The following NFATC2 variants were observed in gnomAD, a reference collection of about 807,000 sequenced individuals.
NFATC2 encodes nuclear factor of activated T-cells, cytoplasmic 2.
NFATC2 carries 22 observed loss-of-function variants against 87.3 expected under a neutral mutation model. The ratio of observed to expected loss-of-function variants is 0.25; its 90% CI spans 0.18 to 0.36. The LOEUF (loss-of-function observed/expected upper bound fraction) is 0.36, where lower values mean the gene tolerates loss of function less well. Among genes scored for constraint, NFATC2 ranks in the 10% least tolerant of loss-of-function variants. NFATC2 has a pLI of 1.00. For synonymous variants in NFATC2, 565 were observed against 542.2 expected (o/e 1.04, Z -0.58); for missense variants, 1,149 against 1,259.1 (o/e 0.91, Z 1.32).
intron 9 of NFATC2, among the ~76,000 whole-genome samples, chr20:51,418,318 C>T (rs1980328601): frequency 6.6e-6 from 1 of 152,244 alleles, no homozygotes; most frequent in Non-Finnish European, 1.5e-5. Context: ...TAACCAGGGG[C>T]AACTCTGCCC....
chr20:51,516,398 A>T (rs1366424180), intron 3 of NFATC2, among the ~76,000 whole-genome samples: 1 of 152,204 alleles, frequency 6.6e-6, no homozygotes, highest in African/African-American at 2.4e-5. Flanking sequence ...AATTTTTCTT[A>T]CTTTTCTATA....
At chr20:51,479,939 A>G (rs1989090229) in intron 3 of NFATC2, among the ~76,000 whole-genome samples, 1 of 152,178 alleles carries the variant, frequency 6.6e-6, no homozygotes, top group African/African-American at 2.4e-5. Context: ...TACAGGTCAG[A>G]AAGGGCAGGT....
Position 51,516,812 on chromosome 20 carries a change from G to C in NFATC2, c.1304C>G (p.Ala435Gly). The C allele has an allele frequency of 6.2e-7, 1 of 1,612,410 alleles. No homozygotes were observed. Among genetic ancestry groups the C allele is most frequent in the Non-Finnish European group, 8.5e-7 (1 of 1,178,888 alleles). Residue 435 changes from alanine (A) to glycine (G), a missense_variant, in exon 3 of 11, where the codon GCT (alanine) becomes GGT (glycine). Coordinates refer to ENST00000371564, the MANE Select transcript of NFATC2 (RefSeq NM_012340.5). Reference sequence around the variant, plus strand: ...AACCACAGGGTGGCCTCCAGTTGGAGCTTTGACAGCCCCTCGGCTGCCTTC... The same window carrying C: ...AACCACAGGGTGGCCTCCAGTTGGACCTTTGACAGCCCCTCGGCTGCCTTC... ...ETEGSRGAVK[A>G]PTGGHPVVQL...
intron 9 of NFATC2, among the ~76,000 whole-genome samples, chr20:51,403,634 C>CCCTCGT (rs1988277930): frequency 1.3e-5 from 2 of 152,102 alleles, no homozygotes; most frequent in African/African-American, 4.8e-5. Flanking sequence ...GAAGGTGGGG[C>CCCTCGT]CCTCGTGATG....
chr20:51,402,092 T>G (rs559794109), intron 9 of NFATC2, among the ~76,000 whole-genome samples: 47 of 152,346 alleles, frequency 3.1e-4, no homozygotes, highest in Non-Finnish European at 5.3e-4. Flanking sequence ...CTAGCCAGTG[T>G]AGAATATGCT....
chr20:51,521,617 G>A (rs760752556), intron 2 of NFATC2, among the ~76,000 whole-genome samples: 3 of 152,156 alleles, frequency 2.0e-5, no homozygotes, highest in Non-Finnish European at 2.9e-5. Flanking sequence ...CACCGCACCC[G>A]GCCTATTTGG....
intron 5 of NFATC2, among the ~76,000 whole-genome samples, chr20:51,459,326 C>T (rs1376786779): frequency 6.6e-6 from 1 of 152,106 alleles, no homozygotes; most frequent in Non-Finnish European, 1.5e-5. Flanking sequence ...CATAGGATCC[C>T]ATTTATATCA....
chr20:51,415,682 T>C (rs1411184022), intron 9 of NFATC2, among the ~76,000 whole-genome samples: 1 of 152,216 alleles, frequency 6.6e-6, no homozygotes, highest in Non-Finnish European at 1.5e-5. Context: ...ATTCTAAATT[T>C]GGGTTCATTT....
intron 9 of NFATC2, among the ~76,000 whole-genome samples, chr20:51,425,605 G>T (rs926840665): frequency 6.6e-6 from 1 of 152,240 alleles, no homozygotes; most frequent in Non-Finnish European, 1.5e-5. Flanking sequence ...GGCTTTGCAC[G>T]CCTCCCCACA....
chr20:51,494,475 CTTTA>C (rs1281236056), intron 3 of NFATC2, among the ~76,000 whole-genome samples: 1 of 152,162 alleles, frequency 6.6e-6, no homozygotes, highest in Non-Finnish European at 1.5e-5. Context: ...CACTCCTCAC[CTTTA>C]TTTAAGGCCC....
chr20:51,517,026 A>C, intron 2 of NFATC2, 71 bp from the exon 3 acceptor site: 1 of 1,449,236 alleles, frequency 6.9e-7, no homozygotes, highest in South Asian at 1.3e-5. Context: ...ATAATTGTAA[A>C]CGGCCCTTTC....
In NFATC2 at chr20:51,398,688, CATA is replaced by C. The variant is rs1386098319; in HGVS notation, c.2762_2764del (p.Leu921del). 2 of 1,612,924 alleles carry C rather than the reference CATA, an allele frequency of 1.2e-6. No individual in the cohort carries two copies. The highest frequency in any genetic ancestry group is 2.7e-5 in the African/African-American group (2 of 74,822). Reference sequence around the variant, plus strand: ...ATCAAAGATCACAGTCATTCTGTTTCATAATATGTTTTGTATCCAGCTAAGGTG... The same window carrying C: ...ATCAAAGATCACAGTCATTCTGTTTCATATGTTTTGTATCCAGCTAAGGTG... On this transcript the variant is annotated inframe_deletion, in exon 10 of 11. Transcript: ENST00000371564.
At chr20:51,463,289 G>A (rs1987339369) in intron 5 of NFATC2, among the ~76,000 whole-genome samples, 1 of 152,226 alleles carries the variant, frequency 6.6e-6, no homozygotes. Flanking sequence ...GGGAACCACT[G>A]AGGTCCACAG....
At chr20:51,410,302 T>C (rs576883150) in intron 9 of NFATC2, among the ~76,000 whole-genome samples, 5 of 151,464 alleles carry the variant, frequency 3.3e-5, no homozygotes, top group Non-Finnish European at 5.9e-5. Context: ...GAATTCTTCA[T>C]TTTTAGGTGT....
chr20:51,528,373 TGA>T (rs1331138044), intron 1 of NFATC2, among the ~76,000 whole-genome samples: 1 of 151,394 alleles, frequency 6.6e-6, no homozygotes, highest in Non-Finnish European at 1.5e-5. Context: ...GCATAAAAAG[TGA>T]GAGGATGTAC....
intron 3 of NFATC2, among the ~76,000 whole-genome samples, chr20:51,509,299 A>C (rs983124053): frequency 1.4e-4 from 22 of 152,068 alleles, no homozygotes; most frequent in Non-Finnish European, 1.6e-4. Context: ...CCTATTTATA[A>C]GCTATATTGC....
At chr20:51,394,847 G>A (rs112853654) in intron 10 of NFATC2, among the ~76,000 whole-genome samples, 85 of 150,872 alleles carry the variant, frequency 5.6e-4, no homozygotes, top group African/African-American at 2.0e-3. Context: ...CCCAAATGGG[G>A]CCACGTGCAG....
chr20:51,535,397 C>G (rs73277982), intron 1 of NFATC2, among the ~76,000 whole-genome samples: 5,708 of 152,348 alleles, frequency 0.037, 360 homozygotes, highest in African/African-American at 0.13. Flanking sequence ...TTTCAGCCAA[C>G]CTAAAATCCA....
At position 51,431,472 on chromosome 20, in the gene NFATC2, T is replaced by C. The variant is rs372758292; in HGVS notation, c.2722+595A>G. Among the ~76,000 whole-genome samples, 425 of 152,302 alleles carry C rather than the reference T, an allele frequency of 2.8e-3. 8 individuals are homozygous for C. The highest frequency in any genetic ancestry group is 9.9e-3 in the African/African-American group (410 of 41,550). ...TCCTTGGCCCAAACCACCCATCAGC[T>C]GGGCTCACCACAGCGGAAGCCCACT... On this transcript the variant is annotated intron_variant, in intron 9 of 10. Transcript: ENST00000371564.
Sources: allele counts gnomAD v4.1 joint callset (sites outside exome capture counted in the v4.1 genomes callset), GRCh38; gene constraint gnomAD v4.1.1; transcripts MANE v1.5; gene names NCBI Gene and HGNC (gene_info 2026-07-23, HGNC 2026-07-21).